PTPRG: variants seen among roughly 807,000 people sequenced by gnomAD.
PTPRG encodes the protein protein tyrosine phosphatase receptor type G.
A neutral mutation model predicts 165.3 loss-of-function variants in PTPRG; 102 were observed. The ratio of observed to expected loss-of-function variants is 0.62; its 90% confidence interval spans 0.53 to 0.73. PTPRG has a LOEUF of 0.73. PTPRG is among the 30% of genes least tolerant of loss of function. The pLI is 0.00. For missense variants in PTPRG, 1,866 were observed against 1,861.4 expected, an observed-to-expected ratio of 1.00 and a Z score of -0.05; for synonymous variants, 675 against 669.5, an observed-to-expected ratio of 1.01 and a Z score of -0.13.
intron 1 of PTPRG, among the ~76,000 whole-genome samples, chr3:61,638,810 A>G (rs1701990047): frequency 6.6e-6 from 1 of 152,010 alleles, no homozygotes; most frequent in Non-Finnish European, 1.5e-5. Context: ...GATTCTGGAT[A>G]TTAGATATTG....
chr3:61,930,217 C>G (rs1300769516), intron 2 of PTPRG, among the ~76,000 whole-genome samples: 2 of 152,126 alleles, frequency 1.3e-5, no homozygotes, highest in African/African-American at 4.8e-5. Flanking sequence ...TTGCCTGTTT[C>G]AGCTGTGTGT....
At chr3:61,678,923 A>G (rs567646108) in intron 1 of PTPRG, among the ~76,000 whole-genome samples, 23 of 152,082 alleles carry the variant, frequency 1.5e-4, no homozygotes, top group Non-Finnish European at 3.1e-4. Flanking sequence ...GTATCTCTGT[A>G]TTATGTGCAA....
chr3:62,158,695 C>T (rs767890521), intron 7 of PTPRG, among the ~76,000 whole-genome samples: 1 of 152,186 alleles, frequency 6.6e-6, no homozygotes, highest in Non-Finnish European at 1.5e-5. Flanking sequence ...GAGACACTAT[C>T]CCCCTAACCA....
intron 1 of PTPRG, among the ~76,000 whole-genome samples, chr3:61,720,641 T>G (rs894143108): frequency 1.3e-5 from 2 of 152,178 alleles, no homozygotes; most frequent in Non-Finnish European, 2.9e-5. Flanking sequence ...TAGATGAGGT[T>G]TGGATGGCAA....
At position 61,751,375 on chromosome 3, in the gene PTPRG, A is replaced by AT. The variant is rs1394528029; in HGVS notation, c.190+2399dup. 2.6e-5 allele frequency among the ~76,000 whole-genome samples: 4 copies of AT among 152,300 alleles called. No individual in the cohort carries two copies. The East Asian group carries it at 5.8e-4, about 22-fold the overall frequency. ...AAGTGGGACTGACAAAAAAAGGCTC[A>AT]TTTTTTATGAGGGAAGTGTTTCTAA... On this transcript the variant is annotated intron_variant, in intron 2 of 29. Coordinates refer to ENST00000474889, the MANE Select transcript of PTPRG (RefSeq NM_002841.4).
Position 61,562,300 on chromosome 3 carries a change from C to G in PTPRG, c.13C>G (p.Leu5Val). Residue 5 changes from leucine (L) to valine (V), a missense_variant, in exon 1 of 30, where the codon CTG (leucine) becomes GTG (valine). Physicochemically the swap from Leu to Val is conservative, Grantham distance 32. Coordinates refer to ENST00000474889, the MANE Select transcript of PTPRG (RefSeq NM_002841.4). MRRL[L>V]EPCWWILFLK... ...TGCGTTTTCGGACATGCGGAGGTTA[C>G]TGGAACCGTGTTGGTGGATTTTGTT... 6.2e-7 allele frequency: 1 copy of G among 1,613,718 alleles called. No individual in the cohort carries two copies. The highest frequency in any genetic ancestry group is 8.5e-7 in the Non-Finnish European group (1 of 1,179,680).
At chr3:61,566,140 C>A (rs538888372) in intron 1 of PTPRG, among the ~76,000 whole-genome samples, 1 of 152,168 alleles carries the variant, frequency 6.6e-6, no homozygotes, top group Non-Finnish European at 1.5e-5. Context: ...GGGGAAGTTG[C>A]TGTTGTTGCT....
intron 2 of PTPRG, among the ~76,000 whole-genome samples, chr3:61,910,912 A>G (rs371226125): frequency 1.3e-5 from 2 of 152,210 alleles, no homozygotes; most frequent in East Asian, 1.9e-4. Context: ...CCATGATTCA[A>G]TTCTTGACTC....
chr3:61,918,767 G>C (rs1256415698), intron 2 of PTPRG, among the ~76,000 whole-genome samples: 1 of 152,132 alleles, frequency 6.6e-6, no homozygotes, highest in Non-Finnish European at 1.5e-5. Context: ...CACTGAATAT[G>C]GCAGGGATTT....
rs1702163814 is a variant in PTPRG at position 62,274,244 on chromosome 3, C to CT, written c.3465+401dup. On this transcript the variant is annotated intron_variant, in intron 23 of 29. Transcript: ENST00000474889. ...CCTAAAAATATGCCTATTTCAAAAA[C>CT]TATTTCAGAAGATAATTTAGGAATT... Among the ~76,000 whole-genome samples, 3 of 152,152 alleles carry CT rather than the reference C, an allele frequency of 2.0e-5. No homozygotes were observed. The South Asian group carries it at 6.2e-4, about 32-fold the overall frequency.
At chr3:61,636,242 A>G (rs1186610811) in intron 1 of PTPRG, among the ~76,000 whole-genome samples, 1 of 152,208 alleles carries the variant, frequency 6.6e-6, no homozygotes, top group Non-Finnish European at 1.5e-5. Flanking sequence ...AGTATTTTGC[A>G]TATATTCAAA....
At chr3:61,605,963 T>G (rs1195314081) in intron 1 of PTPRG, among the ~76,000 whole-genome samples, 1 of 152,218 alleles carries the variant, frequency 6.6e-6, no homozygotes, top group Non-Finnish European at 1.5e-5. Context: ...GGGCATGAGG[T>G]CCCACCTCTG....
chr3:62,071,362 T>G (rs1290995710), intron 4 of PTPRG, among the ~76,000 whole-genome samples: 2 of 152,192 alleles, frequency 1.3e-5, no homozygotes, highest in African/African-American at 4.8e-5. Flanking sequence ...TTCCTTTTGC[T>G]TCCATGATCA....
At chr3:61,874,106 C>T (rs1407999924) in intron 2 of PTPRG, among the ~76,000 whole-genome samples, 1 of 152,194 alleles carries the variant, frequency 6.6e-6, no homozygotes, top group African/African-American at 2.4e-5. Flanking sequence ...CTCAGGGGCA[C>T]AAGAATCCAG....
At chr3:61,648,255 A>T (rs1289482579) in intron 1 of PTPRG, among the ~76,000 whole-genome samples, 1 of 152,186 alleles carries the variant, frequency 6.6e-6, no homozygotes, top group Non-Finnish European at 1.5e-5. Flanking sequence ...TACCCAGGCA[A>T]TCCTTGTTTC....
At chr3:61,951,650 A>G (rs1366261865) in intron 2 of PTPRG, among the ~76,000 whole-genome samples, 1 of 152,058 alleles carries the variant, frequency 6.6e-6, no homozygotes, top group Non-Finnish European at 1.5e-5. Context: ...GTTCTGAGAT[A>G]GTCTACACAG....
chr3:61,983,861 G>C (rs1248695132), intron 2 of PTPRG, among the ~76,000 whole-genome samples: 1 of 152,066 alleles, frequency 6.6e-6, no homozygotes, highest in Non-Finnish European at 1.5e-5. Context: ...TGGGGCTGAT[G>C]GTAGGGCAAC....
At chr3:61,678,965 A>G (rs1257071903) in intron 1 of PTPRG, among the ~76,000 whole-genome samples, 1 of 152,008 alleles carries the variant, frequency 6.6e-6, no homozygotes, top group Non-Finnish European at 1.5e-5. Context: ...TTCTGCAATA[A>G]TGGCTTTTTT....
intron 1 of PTPRG, among the ~76,000 whole-genome samples, chr3:61,653,768 G>A (rs903066552): frequency 1.3e-5 from 2 of 152,052 alleles, no homozygotes; most frequent in African/African-American, 4.8e-5. Context: ...TGAAAGGGAG[G>A]CTCTAGAATC....
Sources: gnomAD v4.1 joint callset for allele counts (sites outside exome capture counted in the v4.1 genomes callset) on GRCh38, gnomAD v4.1.1 for gene constraint, MANE v1.5 for transcripts, NCBI Gene and HGNC (gene_info 2026-07-23, HGNC 2026-07-21) for gene names.